Variants in ANKFN1 observed in about 807,000 individuals in gnomAD.
ANKFN1 encodes the protein ankyrin repeat and fibronectin type III domain containing 1.
In ANKFN1, 74 loss-of-function variants were observed where a neutral mutation model predicts 108.7. The ratio of observed to expected loss-of-function variants is 0.68; its 90% CI spans 0.56 to 0.83. The LOEUF is 0.83. ANKFN1 is among the 40% of genes least tolerant of loss of function. The pLI is 0.00. For missense variants in ANKFN1, 1,505 were observed against 1,382.3 expected, an observed-to-expected ratio of 1.09 and a Z score of -1.41; for synonymous variants, 547 against 516.2, an observed-to-expected ratio of 1.06 and a Z score of -0.81.
chr17:56,453,989 T>C (rs2049589291), intron 11 of ANKFN1, among the ~76,000 whole-genome samples: 1 of 152,114 alleles, frequency 6.6e-6, no homozygotes, highest in South Asian at 2.1e-4. Flanking sequence ...GTCTGTTATA[T>C]TGGGCACCTG....
chr17:56,292,663 C>T (rs2044394816), intron 3 of ANKFN1, among the ~76,000 whole-genome samples: 1 of 152,140 alleles, frequency 6.6e-6, no homozygotes, highest in Non-Finnish European at 1.5e-5. Flanking sequence ...TCCACATTCC[C>T]TTAAGCAACT....
At chr17:56,319,420 G>A (rs1319315926) in intron 3 of ANKFN1, among the ~76,000 whole-genome samples, 5 of 152,098 alleles carry the variant, frequency 3.3e-5, no homozygotes, top group African/African-American at 1.2e-4. Context: ...GTAAACCAGG[G>A]CACAAAAATC....
Position 56,466,419 on chromosome 17 carries a change from A to G in ANKFN1, c.1621A>G (p.Asn541Asp). 1 of 1,614,182 alleles carries G rather than the reference A, an allele frequency of 6.2e-7. No individual in the cohort carries two copies. Among genetic ancestry groups the G allele is most frequent in the South Asian group, 1.1e-5 (1 of 91,080 alleles). Residue 541 changes from asparagine (N) to aspartate (D), a missense_variant, in exon 15 of 21, where the codon AAC becomes GAC. Physicochemically the swap from Asn to Asp is conservative, Grantham distance 23. Coordinates refer to ENST00000682825, the MANE Select transcript of ANKFN1 (RefSeq NM_001370326.1). ...TGAGCCCATTAAAGATCGACATGGAAACATACTCATAGTCACCATCAGGGA... is the reference window on the plus strand; with the variant it reads ...TGAGCCCATTAAAGATCGACATGGAGACATACTCATAGTCACCATCAGGGA... ...YYEPIKDRHG[N>D]ILIVTIREVE...
At chr17:56,404,111 A>G (rs935293399) in intron 8 of ANKFN1, among the ~76,000 whole-genome samples, 2 of 152,110 alleles carry the variant, frequency 1.3e-5, no homozygotes, top group Non-Finnish European at 2.9e-5. Context: ...CCTTCTTCTT[A>G]ACTTTGGATA....
chr17:56,270,262 G>A (rs1286417148), intron 3 of ANKFN1, among the ~76,000 whole-genome samples: 4 of 152,278 alleles, frequency 2.6e-5, no homozygotes, highest in South Asian at 2.1e-4. Context: ...CACAAAGGGA[G>A]CCTGAAGAAG....
At chr17:56,439,002 G>C (rs944096094) in intron 8 of ANKFN1, among the ~76,000 whole-genome samples, 1 of 152,156 alleles carries the variant, frequency 6.6e-6, no homozygotes, top group Non-Finnish European at 1.5e-5. Context: ...AACCGGGGGA[G>C]GGGAATGGTT....
chr17:56,132,963 A>C (rs1907374216), intron 4 of ANKFN1, among the ~76,000 whole-genome samples: 1 of 152,230 alleles, frequency 6.6e-6, no homozygotes, highest in Non-Finnish European at 1.5e-5. Context: ...GCAAGTCATG[A>C]GGATTCTAGT....
At chr17:56,445,593 TTATA>T (rs1483666972) in intron 10 of ANKFN1, among the ~76,000 whole-genome samples, 1 of 152,214 alleles carries the variant, frequency 6.6e-6, no homozygotes, top group East Asian at 1.9e-4. Flanking sequence ...ACACTCCTAT[TTATA>T]AACAGAGTAT....
intron 8 of ANKFN1, among the ~76,000 whole-genome samples, chr17:56,439,735 A>G (rs2049038448): frequency 6.6e-6 from 1 of 152,178 alleles, no homozygotes; most frequent in Non-Finnish European, 1.5e-5. Flanking sequence ...AGGCTTCTTT[A>G]TTTGGAGTGA....
At chr17:56,370,283 C>A (rs2046774431) in intron 6 of ANKFN1, among the ~76,000 whole-genome samples, 1 of 152,032 alleles carries the variant, frequency 6.6e-6, no homozygotes. Context: ...GCATCTAAAG[C>A]CTAGAAGGAA....
chr17:56,363,309 A>G (rs1304770512), intron 6 of ANKFN1, among the ~76,000 whole-genome samples: 3 of 152,096 alleles, frequency 2.0e-5, no homozygotes, highest in Admixed American at 6.6e-5. Flanking sequence ...AGATATATGG[A>G]AAAAAAATGA....
At chr17:56,162,066 G>A (rs981170957) in intron 1 of ANKFN1, among the ~76,000 whole-genome samples, 8 of 151,988 alleles carry the variant, frequency 5.3e-5, no homozygotes, top group African/African-American at 1.9e-4. Flanking sequence ...GCCTAGCTTG[G>A]GTCACATGTC....
chr17:56,431,766 T>A (rs1459882096), intron 8 of ANKFN1, among the ~76,000 whole-genome samples: 11 of 152,244 alleles, frequency 7.2e-5, no homozygotes, highest in Non-Finnish European at 1.5e-5. Context: ...GAACTGTTTT[T>A]GCTTTTGCCC....
intron 8 of ANKFN1, among the ~76,000 whole-genome samples, chr17:56,426,200 T>C (rs1436689092): frequency 6.6e-6 from 1 of 152,256 alleles, no homozygotes; most frequent in African/African-American, 2.4e-5. Context: ...ATGACCTTCC[T>C]GTCCCACCTT....
At chr17:56,363,140 C>A (rs948341770) in intron 6 of ANKFN1, among the ~76,000 whole-genome samples, 9 of 152,084 alleles carry the variant, frequency 5.9e-5, no homozygotes, top group Non-Finnish European at 1.2e-4. Context: ...AGGAGAATCG[C>A]TTGAACACGG....
chr17:56,095,193 T>C (rs1159377194), intron 4 of ANKFN1, among the ~76,000 whole-genome samples: 1 of 151,030 alleles, frequency 6.6e-6, no homozygotes, highest in African/African-American at 2.4e-5. Context: ...TTTGGAAAAA[T>C]AGGCCTTTTA....
chr17:56,320,105 G>A (rs2045320482), intron 3 of ANKFN1, among the ~76,000 whole-genome samples: 1 of 152,162 alleles, frequency 6.6e-6, no homozygotes, highest in African/African-American at 2.4e-5. Context: ...ATCCTACTTT[G>A]TAGAGTGTGA....
chr17:56,362,087 C>A (rs909970305), intron 6 of ANKFN1, among the ~76,000 whole-genome samples: 4 of 152,106 alleles, frequency 2.6e-5, no homozygotes, highest in African/African-American at 9.7e-5. Context: ...GGCTGGCTAC[C>A]TTATTACCCA....
intron 4 of ANKFN1, among the ~76,000 whole-genome samples, chr17:56,088,574 A>G (rs2143185818): frequency 6.6e-6 from 1 of 150,482 alleles, no homozygotes; most frequent in Non-Finnish European, 1.5e-5. Context: ...ATCCCCCAGT[A>G]CTGCATAGGC....
Sources: allele counts gnomAD v4.1 joint callset (sites outside exome capture counted in the v4.1 genomes callset), GRCh38; gene constraint gnomAD v4.1.1; transcripts MANE v1.5; gene names NCBI Gene and HGNC (gene_info 2026-07-23, HGNC 2026-07-21).